PLEKHG6: variants seen among roughly 807,000 people sequenced by gnomAD.
The protein encoded by PLEKHG6 is pleckstrin homology domain-containing family G member 6.
In PLEKHG6, 91 loss-of-function variants were observed where a neutral mutation model predicts 97.5. The ratio of observed to expected loss-of-function variants is 0.93; its 90% CI spans 0.79 to 1.11. PLEKHG6 has a LOEUF of 1.11. Among genes scored for constraint, PLEKHG6 ranks in the 50% most tolerant of loss-of-function variants. The pLI, the probability that PLEKHG6 is intolerant of heterozygous loss-of-function variation, is 0.00. For missense variants in PLEKHG6, 1,044 were observed against 1,031.0 expected, an observed-to-expected ratio of 1.01 and a Z score of -0.17; for synonymous variants, 466 against 425.5, an observed-to-expected ratio of 1.10 and a Z score of -1.17.
rs772720923 is a variant in PLEKHG6, at chr12:6,327,509, A to G, written c.1926A>G (p.Gln642=). Residue 642 remains glutamine (Q), a synonymous_variant, in exon 15 of 16, where the codon CAA becomes CAG. Coordinates refer to ENST00000684764, the MANE Select transcript of PLEKHG6 (RefSeq NM_001384598.1). Reference sequence around the variant, plus strand: ...ACCCTCCCGACCCCCAAGCTCCTCAACGCCGAAGCGCCCCCGAACTGCCGG... The same window carrying G: ...ACCCTCCCGACCCCCAAGCTCCTCAGCGCCGAAGCGCCCCCGAACTGCCGG... ...RPHPPDPQAP[Q]RRSAPELPEG... The G allele has an allele frequency of 4.4e-5, 66 of 1,507,140 alleles. No individual in the cohort carries two copies. Among genetic ancestry groups the G allele is most frequent in the Admixed American group, 2.1e-4 (12 of 56,678 alleles). The allele number at this position is 1,507,140 out of a possible 1,614,324, so 93.4% of individuals were successfully genotyped here.
At chr12:6,312,108 G>C in intron 1 of PLEKHG6, 51 bp from the exon 2 acceptor site, 1 of 871,100 alleles carries the variant, frequency 1.1e-6, no homozygotes, top group Non-Finnish European at 1.7e-6. Context: ...CCCGCCTGGT[G>C]CCATTCACTG....
Position 6,321,321 on chromosome 12 carries a change from C to T in PLEKHG6, c.1524+2213C>T, listed in dbSNP as rs148906376. 8.9e-4 allele frequency among the ~76,000 whole-genome samples: 135 copies of T among 152,166 alleles called. 1 individual carries two copies. The East Asian group carries it at 0.016, about 18-fold the overall frequency. On this transcript the variant is annotated intron_variant, in intron 13 of 15. Transcript: ENST00000684764. ...ACAGGCGTGAGCCACCGTGCATAGC[C>T]CTGCCATGAATTCTTGAGCAAGGGT... is the stretch of plus-strand genomic sequence containing the variant.
At position 6,312,175 on chromosome 12, in the gene PLEKHG6, T is replaced by C; in HGVS notation, c.-52T>C. On this transcript the variant is annotated 5_prime_UTR_variant, in exon 2 of 16. Transcript: ENST00000684764. ...CTCTTGCAGCCCTAGGGGACCTCTT[T>C]CTCCTGGACATTGAAGATATGGCCC... The C allele has an allele frequency of 7.0e-7, 1 of 1,421,626 alleles. No homozygotes were observed. Among genetic ancestry groups the C allele is most frequent in the Non-Finnish European group, 9.2e-7 (1 of 1,083,918 alleles). 88.1% of individuals were successfully genotyped at this position (1,421,626 alleles called of 1,614,324 possible).
At position 6,316,299 on chromosome 12, in the gene PLEKHG6, A is replaced by C; in HGVS notation, c.651A>C (p.Arg217=). The change falls in exon 7 of 16, where the codon CGA becomes CGC. Residue 217 remains arginine, a synonymous_variant. Coordinates refer to ENST00000684764, the MANE Select transcript of PLEKHG6 (RefSeq NM_001384598.1). This position sits in a 1 kb window ranked among gnomAD's most constrained non-coding sequence, Gnocchi z 4.1. The stretch of plus-strand genomic sequence containing the variant: ...TTGGAAATGTCCCCAGCCTGATTCG[A>C]ACCCACCGGAGCTTTTGGGATGAGG... ...TLFGNVPSLI[R]THRSFWDEVL... 1 of 1,555,906 alleles carries C rather than the reference A, an allele frequency of 6.4e-7. No individual in the cohort carries two copies. The highest frequency in any genetic ancestry group is 8.7e-7 in the Non-Finnish European group (1 of 1,148,880).
chr12:6,315,075 C>T lies in PLEKHG6; in HGVS notation c.365C>T (p.Pro122Leu). The T allele has an allele frequency of 2.5e-6, 4 of 1,613,724 alleles. No homozygotes were observed. The highest frequency in any genetic ancestry group is 1.1e-5 in the South Asian group (1 of 91,074). The stretch of plus-strand genomic sequence containing the variant: ...AGCATGTTTGGGATGCCCCGGCTGC[C>T]CCCTGAGGACCGGCGGCACTGGGAG... ...TFSMFGMPRL[P>L]PEDRRHWEIG... Residue 122 changes from proline to leucine, a missense_variant, in exon 4 of 16, where the codon CCC becomes CTC. Pro to Leu is a moderately conservative substitution (Grantham distance 98). Transcript: ENST00000684764. The surrounding 1 kb of genome is among the most constrained non-coding windows in gnomAD (Gnocchi z 4.5).
At position 6,316,498 on chromosome 12, in the gene PLEKHG6, G is replaced by A; in HGVS notation, c.756+94G>A. 8.2e-7 allele frequency: 1 copy of A among 1,223,696 alleles called. No individual in the cohort carries two copies. The highest frequency in any genetic ancestry group is 1.5e-5 in the African/African-American group (1 of 65,708). The allele number at this position is 1,223,696 out of a possible 1,614,324, so 75.8% of individuals were successfully genotyped here. A position where few individuals can be genotyped will look rare whatever the true frequency, so the allele number is the denominator to read the frequency against. On this transcript the variant is annotated intron_variant, in intron 7 of 15. Coordinates refer to ENST00000684764, the MANE Select transcript of PLEKHG6 (RefSeq NM_001384598.1). This position sits in a 1 kb window ranked among gnomAD's most constrained non-coding sequence, Gnocchi z 4.1. ...GCATGCCCACAGTATGCAAATCTCT[G>A]TGATTTGAGGGGCCGCAGGACACAG... is the stretch of plus-strand genomic sequence containing the variant.
At chr12:6,323,468 T>C (rs1947765437) in intron 13 of PLEKHG6, among the ~76,000 whole-genome samples, 1 of 152,248 alleles carries the variant, frequency 6.6e-6, no homozygotes, top group Admixed American at 6.5e-5. Context: ...AAACGTTGAC[T>C]TGCAGATTTA....
chr12:6,328,207 G>T lies in PLEKHG6; in HGVS notation c.*62G>T. On this transcript the variant is annotated 3_prime_UTR_variant, in exon 16 of 16. Transcript: ENST00000684764. ...AGGAGATCTCTCCCCAGTAGTGCTGGTCACCCTCCGGCATCTGTGACTCTA... is the reference window on the plus strand; with the variant it reads ...AGGAGATCTCTCCCCAGTAGTGCTGTTCACCCTCCGGCATCTGTGACTCTA... 2 of 1,543,114 alleles carry T rather than the reference G, an allele frequency of 1.3e-6. No individual in the cohort carries two copies. The highest frequency in any genetic ancestry group is 1.8e-6 in the Non-Finnish European group (2 of 1,115,922).
At position 6,315,966 on chromosome 12, in the gene PLEKHG6, G is replaced by A. The variant is rs969907801; in HGVS notation, c.606+47G>A. 11 of 1,503,716 alleles carry A rather than the reference G, an allele frequency of 7.3e-6. No individual in the cohort carries two copies. The highest frequency in any genetic ancestry group is 1.8e-4 in the Middle Eastern group (1 of 5,602). 93.1% of individuals were successfully genotyped at this position (1,503,716 alleles called of 1,614,324 possible). A position where few individuals can be genotyped will look rare whatever the true frequency, so the allele number is the denominator to read the frequency against. ...GACCCTGGCACAGCCCGACCTCTGAGCCTGGGGATGAGGGTGGGCCCTCCA... is the reference window on the plus strand; with the variant it reads ...GACCCTGGCACAGCCCGACCTCTGAACCTGGGGATGAGGGTGGGCCCTCCA... On this transcript the variant is annotated intron_variant, in intron 6 of 15. Transcript: ENST00000684764. This position sits in a 1 kb window ranked among gnomAD's most constrained non-coding sequence, Gnocchi z 4.5.
chr12:6,316,286 C>A lies in PLEKHG6; in HGVS notation c.638C>A (p.Pro213His). The A allele has an allele frequency of 6.4e-7, 1 of 1,554,846 alleles. No homozygotes were observed. Among genetic ancestry groups the A allele is most frequent in the East Asian group, 2.4e-5 (1 of 41,450 alleles). ...GCTGAGACCCTGTTTGGAAATGTCCCCAGCCTGATTCGAACCCACCGGAGC... is the reference window on the plus strand; with the variant it reads ...GCTGAGACCCTGTTTGGAAATGTCCACAGCCTGATTCGAACCCACCGGAGC... ...VSAETLFGNV[P>H]SLIRTHRSFW... The change falls in exon 7 of 16, where the codon CCC (proline) becomes CAC (histidine). Residue 213 changes from proline to histidine, a missense_variant. Transcript: ENST00000684764. The surrounding 1 kb of genome is among the most constrained non-coding windows in gnomAD (Gnocchi z 4.1).
rs770706603 is a variant in PLEKHG6, at chr12:6,327,511, G to A, written c.1928G>A (p.Arg643His). The change falls in exon 15 of 16, where the codon CGC (arginine) becomes CAC (histidine). Residue 643 changes from arginine (R) to histidine (H), a missense_variant. Arg to His is a conservative substitution (Grantham distance 29). Transcript: ENST00000684764. ...CCTCCCGACCCCCAAGCTCCTCAACGCCGAAGCGCCCCCGAACTGCCGGAA... is the reference window on the plus strand; with the variant it reads ...CCTCCCGACCCCCAAGCTCCTCAACACCGAAGCGCCCCCGAACTGCCGGAA... ...PHPPDPQAPQ[R>H]RSAPELPEGI... is the part of the protein sequence containing the mutation. 21 of 1,167,550 alleles carry A rather than the reference G, an allele frequency of 1.8e-5. No individual in the cohort carries two copies. The highest frequency in any genetic ancestry group is 2.3e-4 in the Middle Eastern group (1 of 4,428). The allele number at this position is 1,167,550 out of a possible 1,614,324, so 72.3% of individuals were successfully genotyped here.
intron 12 of PLEKHG6, 45 bp from the exon 13 acceptor site, chr12:6,318,948 G>A (rs770380586): frequency 3.0e-5 from 49 of 1,612,616 alleles, no homozygotes; most frequent in Non-Finnish European, 4.0e-5. Flanking sequence ...CTGGGACGGA[G>A]ATCAAATAAA....
chr12:6,321,046 G>A (rs909990905), intron 13 of PLEKHG6, among the ~76,000 whole-genome samples: 9 of 151,690 alleles, frequency 5.9e-5, no homozygotes, highest in Non-Finnish European at 1.3e-4. Flanking sequence ...TTGAGACAGA[G>A]TCTTACTCCA....
rs752888449 is a variant in PLEKHG6, at chr12:6,315,183, T to C, written c.459+14T>C. 2.5e-6 allele frequency: 4 copies of C among 1,606,212 alleles called. No individual in the cohort carries two copies. The highest frequency in any genetic ancestry group is 1.7e-5 in the Admixed American group (1 of 59,392). ...CCTGGGCACAAGGTGAGCCTGAAAC[T>C]CACAAGGTGAGTCTGTCCCCACGGC... On this transcript the variant is annotated intron_variant, in intron 4 of 15. Coordinates refer to ENST00000684764, the MANE Select transcript of PLEKHG6 (RefSeq NM_001384598.1). The surrounding 1 kb of genome is among the most constrained non-coding windows in gnomAD (Gnocchi z 4.5).
At position 6,317,953 on chromosome 12, in the gene PLEKHG6, C is replaced by T. The variant is rs747630236; in HGVS notation, c.1114C>T (p.Pro372Ser). Residue 372 changes from proline to serine, a missense_variant, in exon 10 of 16, where the codon CCC (proline) becomes TCC (serine). Coordinates refer to ENST00000684764, the MANE Select transcript of PLEKHG6 (RefSeq NM_001384598.1). Reference sequence around the variant, plus strand: ...GGCGGCTGCAGCACAACGCATCGGGCCCTACGAGGTGCTGGAGCCACCCAG... The same window carrying T: ...GGCGGCTGCAGCACAACGCATCGGGTCCTACGAGGTGCTGGAGCCACCCAG... ...SLAAAAQRIG[P>S]YEVLEPPSDE... 6 of 1,584,734 alleles carry T rather than the reference C, an allele frequency of 3.8e-6. No homozygotes were observed. In the Admixed American group the frequency reaches 1.1e-4, roughly 29 times the overall value.
chr12:6,313,373 C>T (rs1469170060), intron 2 of PLEKHG6, among the ~76,000 whole-genome samples: 1 of 152,176 alleles, frequency 6.6e-6, no homozygotes, highest in Non-Finnish European at 1.5e-5. Context: ...GGCAGGAGGC[C>T]CCACTTCTTC....
Position 6,327,883 on chromosome 12 carries a change from G to A in PLEKHG6, c.2300G>A (p.Arg767Gln), listed in dbSNP as rs367788190. 36 of 1,492,902 alleles carry A rather than the reference G, an allele frequency of 2.4e-5. No homozygotes were observed. Among genetic ancestry groups the A allele is most frequent in the Admixed American group, 2.2e-4 (9 of 40,884 alleles). 92.5% of individuals were successfully genotyped at this position (1,492,902 alleles called of 1,614,324 possible). Reference sequence around the variant, plus strand: ...GACAGCAGGCCACGGAAGCTGACTCGGGCCCAGCTGCAGAGGATGCGGGGG... The same window carrying A: ...GACAGCAGGCCACGGAAGCTGACTCAGGCCCAGCTGCAGAGGATGCGGGGG... ...PRDSRPRKLT[R>Q]AQLQRMRGPH... The change falls in exon 15 of 16, where the codon CGG becomes CAG. Residue 767 changes from arginine (R) to glutamine (Q), a missense_variant. Arg to Gln is a conservative substitution (Grantham distance 43). Transcript: ENST00000684764.
intron 13 of PLEKHG6, among the ~76,000 whole-genome samples, chr12:6,322,583 A>C (rs537240450): frequency 9.8e-5 from 15 of 152,308 alleles, no homozygotes; most frequent in Non-Finnish European, 1.3e-4. Context: ...TCTGGTGGTT[A>C]ATCAAATTTT....
chr12:6,313,792 G>A lies in PLEKHG6; in HGVS notation c.294+8G>A. The stretch of plus-strand genomic sequence containing the variant: ...CACTCCCCCAAACTCAAGGTAAGGG[G>A]GTCCCTCTCCTCCCATCCCCACACA... On this transcript the variant is annotated splice_region_variant and intron_variant, in intron 3 of 15. Transcript: ENST00000684764. The A allele has an allele frequency of 1.3e-6, 2 of 1,560,252 alleles. No individual in the cohort carries two copies. Among genetic ancestry groups the A allele is most frequent in the East Asian group, 4.5e-5 (2 of 44,204 alleles).
Sources: allele counts gnomAD v4.1 joint callset (sites outside exome capture counted in the v4.1 genomes callset), GRCh38; gene constraint gnomAD v4.1.1; non-coding constraint Gnocchi (gnomAD v3.1); transcripts MANE v1.5; gene names NCBI Gene and HGNC (gene_info 2026-07-23, HGNC 2026-07-21).